The following PRPF40B variants were observed in gnomAD, a reference collection of about 807,000 sequenced individuals.
PRPF40B encodes the protein pre-mRNA processing factor 40B, also known as pre-mRNA-processing factor 40 homolog B.
PRPF40B carries 56 observed loss-of-function variants against 124.5 expected under a neutral mutation model. That is an observed-to-expected ratio of 0.45 (90% CI 0.36 to 0.56). PRPF40B has a LOEUF of 0.56. PRPF40B is among the 20% of genes least tolerant of loss of function. The pLI is 0.00. For missense variants in PRPF40B, 1,053 were observed against 1,169.5 expected, an observed-to-expected ratio of 0.90 and a Z score of 1.45; for synonymous variants, 443 against 426.4, an observed-to-expected ratio of 1.04 and a Z score of -0.48.
At position 49,631,512 on chromosome 12, in the gene PRPF40B, C is replaced by A; in HGVS notation, c.196C>A (p.Pro66Thr). Residue 66 changes from proline (P) to threonine (T), a missense_variant, in exon 3 of 26, where the codon CCA becomes ACA. Around this residue, in one of 2 missense-constraint regions of PRPF40B, gnomAD observed 158 missense variants for 117.3 expected, o/e 1.35. Coordinates refer to ENST00000548825, the MANE Select transcript of PRPF40B (RefSeq NM_001031698.3). This position sits in a 1 kb window ranked among gnomAD's most constrained non-coding sequence, Gnocchi z 4.3. Reference sequence around the variant, plus strand: ...ACCTGGCATCCTGCCCCCAATGCTTCCACCAATGGGGGCGCCACCACCACT... The same window carrying A: ...ACCTGGCATCCTGCCCCCAATGCTTACACCAATGGGGGCGCCACCACCACT... The part of the protein sequence containing the change: ...MPPGILPPML[P>T]PMGAPPPLTQ... The A allele has an allele frequency of 6.4e-7, 1 of 1,551,266 alleles. No homozygotes were observed. Among genetic ancestry groups the A allele is most frequent in the Middle Eastern group, 1.7e-4 (1 of 5,766 alleles).
At chr12:49,623,250 G>A (rs539432621), upstream of PRPF40B, among the ~76,000 whole-genome samples, 1 of 151,872 alleles carries the variant, frequency 6.6e-6, no homozygotes, top group Non-Finnish European at 1.5e-5. Context: ...CTGGAGCGCC[G>A]GCGACTGCGA....
At chr12:49,630,194 C>T (rs59990702) in intron 1 of PRPF40B, among the ~76,000 whole-genome samples, 291 of 152,354 alleles carry the variant, frequency 1.9e-3, no homozygotes, top group African/African-American at 6.5e-3. Flanking sequence ...AGAGGCACAG[C>T]CTTGCCCACA....
intron 1 of PRPF40B, 136 bp downstream of exon 1, chr12:49,623,729 G>T: frequency 1.7e-6 from 2 of 1,168,008 alleles, no homozygotes; most frequent in South Asian, 4.3e-5. Context: ...GGCCAAGGGT[G>T]AGGGAAGAGA....
In PRPF40B at chr12:49,631,379, C is replaced by G. The variant is rs1262944439; in HGVS notation, c.85-22C>G. 1 of 1,502,598 alleles carries G rather than the reference C, an allele frequency of 6.7e-7. No individual in the cohort carries two copies. The highest frequency in any genetic ancestry group is 8.9e-7 in the Non-Finnish European group (1 of 1,127,524). 93.1% of individuals were successfully genotyped at this position (1,502,598 alleles called of 1,614,324 possible). ...AGGCGATGTCTTCCCTGCTCAGTAT[C>G]TCTTCCTTTACTCATTTCCAGATGC... On this transcript the variant is annotated intron_variant, in intron 2 of 25. Coordinates refer to ENST00000548825, the MANE Select transcript of PRPF40B (RefSeq NM_001031698.3). The surrounding 1 kb of genome is among the most constrained non-coding windows in gnomAD (Gnocchi z 4.3).
rs771881333 is a variant in PRPF40B at position 49,634,106 on chromosome 12, C to G, written c.812+14C>G. 6.2e-6 allele frequency: 10 copies of G among 1,608,080 alleles called. No individual in the cohort carries two copies. The highest frequency in any genetic ancestry group is 2.2e-5 in the East Asian group (1 of 44,784). Reference sequence around the variant, plus strand: ...GGGCCCCAGCAGGTGAGGGCTGCCCCCCATGGCATTCCCAATGTTGGCCTC... The same window carrying G: ...GGGCCCCAGCAGGTGAGGGCTGCCCGCCATGGCATTCCCAATGTTGGCCTC... On this transcript the variant is annotated intron_variant, in intron 10 of 25. Coordinates refer to ENST00000548825, the MANE Select transcript of PRPF40B (RefSeq NM_001031698.3).
upstream of PRPF40B, chr12:49,623,322 G>T (rs1441397680): frequency 2.8e-5 from 5 of 176,724 alleles, no homozygotes; most frequent in Admixed American, 1.9e-4. Context: ...AGTCAGAGGC[G>T]GGAGCAGGCG....
In PRPF40B at chr12:49,643,974, T is replaced by C. The variant is rs769038475; in HGVS notation, c.2556T>C (p.Arg852=). The change falls in exon 25 of 26, where the codon CGT becomes CGC. Residue 852 remains arginine (R), a synonymous_variant. Transcript: ENST00000548825. ...RELQQAELPN[R]SPGFGIKKEK... ...TCCAACAGGCAGAGCTCCCTAACCG[T>C]TCCCCAGGCTTTGGAATCAAGAAGG... 1 of 1,614,162 alleles carries C rather than the reference T, an allele frequency of 6.2e-7. No individual in the cohort carries two copies. The highest frequency in any genetic ancestry group is 1.1e-5 in the South Asian group (1 of 91,082).
chr12:49,633,319 G>A, intron 7 of PRPF40B, 108 bp from the exon 8 acceptor site: 1 of 1,477,832 alleles, frequency 6.8e-7, no homozygotes, highest in Non-Finnish European at 9.2e-7. Flanking sequence ...CAGGCCAGGT[G>A]GTAGCTAAAG....
At chr12:49,624,146 A>G (rs1940479593) in intron 1 of PRPF40B, 1 of 985,666 alleles carries the variant, frequency 1.0e-6, no homozygotes, top group Non-Finnish European at 1.2e-6. Flanking sequence ...GCCATCAACA[A>G]ACTAACGACT....
At chr12:49,628,844 G>A (rs1013538069) in intron 1 of PRPF40B, among the ~76,000 whole-genome samples, 1 of 152,336 alleles carries the variant, frequency 6.6e-6, no homozygotes. Context: ...GGGATTACAG[G>A]TGTGAGCCAC....
upstream of PRPF40B, chr12:49,622,819 T>A (rs1940327957): frequency 6.6e-6 from 1 of 152,284 alleles, no homozygotes; most frequent in Admixed American, 6.5e-5. Flanking sequence ...CCCGTGTGCC[T>A]GGGGCCTGTC....
intron 1 of PRPF40B, among the ~76,000 whole-genome samples, chr12:49,630,059 C>T (rs1316620860): frequency 1.3e-5 from 2 of 152,178 alleles, no homozygotes; most frequent in African/African-American, 4.8e-5. Flanking sequence ...AAAGGACTAG[C>T]GACTATTTGT....
intron 1 of PRPF40B, chr12:49,624,087 T>G (rs1940471885): frequency 1.0e-6 from 1 of 986,496 alleles, no homozygotes; most frequent in African/African-American, 1.7e-5. Context: ...CAAGAGCTTG[T>G]CTCCTGAGGT....
Position 49,642,292 on chromosome 12 carries a change from A to G in PRPF40B, c.1942A>G (p.Met648Val). The G allele has an allele frequency of 6.2e-7, 1 of 1,614,214 alleles. No individual in the cohort carries two copies. Among genetic ancestry groups the G allele is most frequent in the Non-Finnish European group, 8.5e-7 (1 of 1,180,040 alleles). Residue 648 changes from methionine to valine, a missense_variant, in exon 20 of 26, where the codon ATG becomes GTG. By Grantham distance (21) the Met-to-Val change is conservative (BLOSUM62 1). Transcript: ENST00000548825. The surrounding 1 kb of genome is among the most constrained non-coding windows in gnomAD (Gnocchi z 5.8). ...REREKEEARR[M>V]RRREAAFRSM... is the part of the protein sequence containing the mutation. ...GCGGGAGAAGGAGGAGGCACGCAGG[A>G]TGCGGCGCAGGGAAGCTGCCTTTCG...
chr12:49,635,619 T>C lies in PRPF40B; in HGVS notation c.1275+146T>C. On this transcript the variant is annotated intron_variant, in intron 14 of 25. Transcript: ENST00000548825. This position sits in a 1 kb window ranked among gnomAD's most constrained non-coding sequence, Gnocchi z 4.1. ...GAAGCTGGTATGGGACTTGCACATC[T>C]CATTTCTGCTCTGGGCCTATAGTCC... 1.1e-6 allele frequency: 1 copy of C among 916,952 alleles called. No homozygotes were observed. The highest frequency in any genetic ancestry group is 2.6e-5 in the East Asian group (1 of 38,390). 56.8% of individuals were successfully genotyped at this position (916,952 alleles called of 1,614,324 possible).
At chr12:49,637,054 G>A (rs555779705) in intron 16 of PRPF40B, 5 of 754,362 alleles carry the variant, frequency 6.6e-6, no homozygotes, top group Non-Finnish European at 1.0e-5. Flanking sequence ...GAGACTAGAT[G>A]TATGCACCAC....
In PRPF40B at chr12:49,631,429, T is replaced by C. The variant is rs1400310950; in HGVS notation, c.113T>C (p.Phe38Ser). The change falls in exon 3 of 26, where the codon TTT (phenylalanine) becomes TCT (serine). Residue 38 changes from phenylalanine (F) to serine (S), a missense_variant. Phe to Ser is a radical substitution (Grantham distance 155, BLOSUM62 -2). Coordinates refer to ENST00000548825, the MANE Select transcript of PRPF40B (RefSeq NM_001031698.3). This position sits in a 1 kb window ranked among gnomAD's most constrained non-coding sequence, Gnocchi z 4.3. ...FMPPPGIPPP[F>S]PPMGLPPMSQ... ...CCCCCTCCAGGGATCCCCCCACCCTTTCCTCCGATGGGGCTACCCCCCATG... is the reference window on the plus strand; with the variant it reads ...CCCCCTCCAGGGATCCCCCCACCCTCTCCTCCGATGGGGCTACCCCCCATG... 8 of 1,097,136 alleles carry C rather than the reference T, an allele frequency of 7.3e-6. No homozygotes were observed. The highest frequency in any genetic ancestry group is 1.9e-5 in the South Asian group (1 of 51,448). The allele number at this position is 1,097,136 out of a possible 1,614,324, so 68.0% of individuals were successfully genotyped here.
upstream of PRPF40B, among the ~76,000 whole-genome samples, chr12:49,623,070 T>C (rs1395337998): frequency 4.0e-5 from 6 of 149,504 alleles, no homozygotes; most frequent in African/African-American, 1.2e-4. Context: ...TTTTTTTTTT[T>C]CCAAGCTGCT....
chr12:49,633,674 C>T lies in PRPF40B; in HGVS notation c.605+13C>T, dbSNP rs1592587701. On this transcript the variant is annotated intron_variant, in intron 9 of 25. Transcript: ENST00000548825. The stretch of plus-strand genomic sequence containing the variant: ...AAGAGGCTGCAGGGTGAGTGACTTG[C>T]CCACCTATCCATTTATAGTTGGGGC... The T allele has an allele frequency of 1.2e-6, 2 of 1,614,152 alleles. No individual in the cohort carries two copies. The highest frequency in any genetic ancestry group is 1.7e-6 in the Non-Finnish European group (2 of 1,180,012).
Sources: allele counts gnomAD v4.1 joint callset (sites outside exome capture counted in the v4.1 genomes callset), GRCh38; gene constraint gnomAD v4.1.1; regional missense constraint gnomAD v4.1.1; non-coding constraint Gnocchi (gnomAD v3.1); transcripts MANE v1.5; gene names NCBI Gene and HGNC (gene_info 2026-07-23, HGNC 2026-07-21).